LUZP1: variants seen among roughly 807,000 people sequenced by gnomAD.
LUZP1 encodes the protein leucine zipper protein 1.
LUZP1 carries 25 observed loss-of-function variants against 71.3 expected under a neutral mutation model. That is an observed-to-expected ratio of 0.35 (90% CI 0.26 to 0.49). The LOEUF (loss-of-function observed/expected upper bound fraction) is 0.49. Ranked by LOEUF, LUZP1 falls within the 20% of genes least tolerant of loss-of-function variation. The probability of loss-of-function intolerance (pLI) is 0.99; values close to 1 mark genes in which losing one functional copy is unlikely to be tolerated. For synonymous variants in LUZP1, 481 were observed against 506.4 expected, an observed-to-expected ratio of 0.95 and a Z score of 0.67; for missense variants, 1,142 against 1,300.8, an observed-to-expected ratio of 0.88 and a Z score of 1.88.
At chr1:23,089,140 TC>T in intron 4 of LUZP1, 87 bp from the exon 4 acceptor site, 1 of 1,325,470 alleles carries the variant, frequency 7.5e-7, no homozygotes, top group Non-Finnish European at 1.1e-6. Flanking sequence ...GTGGGTCCTT[TC>T]CAACCCAGCA....
At chr1:23,104,041 G>T (rs1643959251) in intron 3 of LUZP1, among the ~76,000 whole-genome samples, 1 of 151,992 alleles carries the variant, frequency 6.6e-6, no homozygotes, top group Non-Finnish European at 1.5e-5. Flanking sequence ...TAAGGTCTCT[G>T]TGGTAGGTTT....
intron 3 of LUZP1, among the ~76,000 whole-genome samples, chr1:23,098,072 C>T (rs1643902496): frequency 6.6e-6 from 1 of 152,128 alleles, no homozygotes; most frequent in African/African-American, 2.4e-5. Context: ...AAAGTGAAAC[C>T]AATCCACAAA....
chr1:23,155,502 G>A (rs928657505), intron 2 of LUZP1, among the ~76,000 whole-genome samples: 3 of 152,182 alleles, frequency 2.0e-5, no homozygotes, highest in Non-Finnish European at 4.4e-5. Flanking sequence ...GATAATAATA[G>A]TTATCCTCAT....
At position 23,094,405 on chromosome 1, in the gene LUZP1, G is replaced by A; in HGVS notation, c.-119-25C>T. On this transcript the variant is annotated intron_variant, in intron 3 of 4. Coordinates refer to ENST00000302291, the Ensembl canonical transcript of LUZP1. This position sits in a 1 kb window ranked among gnomAD's most constrained non-coding sequence, Gnocchi z 4.7. ...TCTACAAAAGGAAAGTAGAAAGCAT[G>A]TCAGTCAGCAAATGTAAAACCTGCA... The A allele has an allele frequency of 7.1e-7, 1 of 1,411,012 alleles. No individual in the cohort carries two copies. Among genetic ancestry groups the A allele is most frequent in the Non-Finnish European group, 9.2e-7 (1 of 1,087,658 alleles). The allele number at this position is 1,411,012 out of a possible 1,614,324, so 87.4% of individuals were successfully genotyped here.
At chr1:23,103,475 A>G (rs1319985957) in intron 3 of LUZP1, among the ~76,000 whole-genome samples, 1 of 152,156 alleles carries the variant, frequency 6.6e-6, no homozygotes, top group Non-Finnish European at 1.5e-5. Flanking sequence ...GAGATCATCT[A>G]GTCCAACCTC....
At chr1:23,158,485 A>G (rs1305671263) in intron 2 of LUZP1, among the ~76,000 whole-genome samples, 1 of 151,444 alleles carries the variant, frequency 6.6e-6, no homozygotes, top group East Asian at 2.0e-4. Context: ...CCTGCCTACT[A>G]AAAATACAAA....
chr1:23,158,891 C>T (rs1276056838), intron 2 of LUZP1, among the ~76,000 whole-genome samples: 2 of 142,394 alleles, frequency 1.4e-5, no homozygotes, highest in South Asian at 2.2e-4. Flanking sequence ...CCCTTGAACC[C>T]GGGAGACAGA....
chr1:23,152,743 C>A (rs997422492), intron 2 of LUZP1, among the ~76,000 whole-genome samples: 1 of 152,100 alleles, frequency 6.6e-6, no homozygotes, highest in Non-Finnish European at 1.5e-5. Context: ...GTTGGCCAGG[C>A]TGGTCTCGAA....
intron 2 of LUZP1, among the ~76,000 whole-genome samples, chr1:23,152,122 A>G (rs1644389688): frequency 6.6e-6 from 1 of 152,120 alleles, no homozygotes; most frequent in Non-Finnish European, 1.5e-5. Context: ...CTGAACCACA[A>G]TTTATTGGTT....
At chr1:23,159,986 C>CA (rs1189628975) in intron 2 of LUZP1, among the ~76,000 whole-genome samples, 2 of 152,082 alleles carry the variant, frequency 1.3e-5, no homozygotes, top group Admixed American at 6.6e-5. Flanking sequence ...AATTCCGTCT[C>CA]AAAAAACAAA....
chr1:23,171,217 T>G (rs997376070), intron 1 of LUZP1, among the ~76,000 whole-genome samples: 2 of 152,058 alleles, frequency 1.3e-5, no homozygotes, highest in Admixed American at 1.3e-4. Flanking sequence ...ACAATCCACC[T>G]AATCATTTCA....
At chr1:23,156,355 G>A (rs994088055) in intron 2 of LUZP1, among the ~76,000 whole-genome samples, 1 of 152,176 alleles carries the variant, frequency 6.6e-6, no homozygotes, top group African/African-American at 2.4e-5. Flanking sequence ...ACTCCAGCCT[G>A]GGCAACAGAG....
chr1:23,099,638 G>GA (rs776133470), intron 3 of LUZP1, among the ~76,000 whole-genome samples: 19 of 152,074 alleles, frequency 1.2e-4, no homozygotes, highest in Non-Finnish European at 2.1e-4. Context: ...GAGAGTCTGG[G>GA]AATTATACCA....
intron 2 of LUZP1, among the ~76,000 whole-genome samples, chr1:23,162,306 T>C (rs538257561): frequency 6.6e-6 from 1 of 152,206 alleles, no homozygotes; most frequent in African/African-American, 2.4e-5. Context: ...TGTTTCTTGA[T>C]CTAGATCTAG....
chr1:23,161,043 T>TA (rs938055589), intron 2 of LUZP1, among the ~76,000 whole-genome samples: 1 of 152,100 alleles, frequency 6.6e-6, no homozygotes, highest in Non-Finnish European at 1.5e-5. Flanking sequence ...TTTAAATAGT[T>TA]AAACAGCATA....
At chr1:23,139,014 AAAAAAAT>A (rs1644279788) in intron 2 of LUZP1, among the ~76,000 whole-genome samples, 2 of 101,054 alleles carry the variant, frequency 2.0e-5, no homozygotes, top group Admixed American at 1.1e-4. Context: ...AAAAAAAAAA[AAAAAAAT>A]ATATATATAT....
chr1:23,106,751 C>T (rs1444450236), intron 3 of LUZP1, among the ~76,000 whole-genome samples: 1 of 152,188 alleles, frequency 6.6e-6, no homozygotes, highest in African/African-American at 2.4e-5. Flanking sequence ...ACCATCATCC[C>T]TGCCCTGGAC....
At chr1:23,171,113 T>C (rs1644550644) in intron 1 of LUZP1, among the ~76,000 whole-genome samples, 1 of 142,454 alleles carries the variant, frequency 7.0e-6, no homozygotes. Flanking sequence ...TATATATATA[T>C]ATATAATTAC....
chr1:23,089,449 G>C (rs1193272870), intron 4 of LUZP1, among the ~76,000 whole-genome samples: 1 of 152,166 alleles, frequency 6.6e-6, no homozygotes, highest in Non-Finnish European at 1.5e-5. Flanking sequence ...ATGGGGAGCT[G>C]AAGAGAGGTC....
Sources: gnomAD v4.1 joint callset for allele counts (sites outside exome capture counted in the v4.1 genomes callset) on GRCh38, gnomAD v4.1.1 for gene constraint, Gnocchi (gnomAD v3.1) non-coding constraint, MANE v1.5 for transcripts, NCBI Gene and HGNC (gene_info 2026-07-23, HGNC 2026-07-21) for gene names.